BLVRA: variants seen among roughly 807,000 people sequenced by gnomAD.
BLVRA encodes the protein BVR A.
In BLVRA, 22 loss-of-function variants were observed where a neutral mutation model predicts 32.8. The observed-to-expected ratio is 0.67, with a 90% CI of 0.48 to 0.96. The LOEUF is 0.96. Among genes scored for constraint, BLVRA ranks in the 40% least tolerant of loss-of-function variants. BLVRA has a pLI of 0.00. For missense variants in BLVRA, 323 were observed against 358.1 expected (o/e 0.90, Z 0.79); for synonymous variants, 119 against 141.3 (o/e 0.84, Z 1.12).
chr7:43,798,108 T>A, intron 5 of BLVRA, among the ~76,000 whole-genome samples: 1 of 148,798 alleles, frequency 6.7e-6, no homozygotes, highest in East Asian at 2.0e-4. Flanking sequence ...GCAGGAGAAT[T>A]TCTTGAACCC....
chr7:43,784,921 C>A (rs780348560), intron 2 of BLVRA, among the ~76,000 whole-genome samples: 2 of 152,120 alleles, frequency 1.3e-5, no homozygotes, highest in Non-Finnish European at 2.9e-5. Flanking sequence ...TCACCCATAT[C>A]TTGTCCCTGT....
Position 43,792,713 on chromosome 7 carries a change from A to T in BLVRA, c.255-2A>T. The T allele has an allele frequency of 1.2e-6, 2 of 1,613,878 alleles. No homozygotes were observed. Among genetic ancestry groups the T allele is most frequent in the Non-Finnish European group, 1.7e-6 (2 of 1,179,784 alleles). On this transcript the variant is annotated splice_acceptor_variant, in intron 4 of 7. Transcript: ENST00000265523. LOFTEE classifies it high-confidence loss of function. Reference sequence around the variant, plus strand: ...TCTCTGTATTTGTCTCGTTTACCAAAGGCAGTTCCTTAATGCTGGCAAGCA... The same window carrying T: ...TCTCTGTATTTGTCTCGTTTACCAATGGCAGTTCCTTAATGCTGGCAAGCA...
At chr7:43,766,892 G>A (rs937814329) in intron 1 of BLVRA, among the ~76,000 whole-genome samples, 2 of 152,196 alleles carry the variant, frequency 1.3e-5, no homozygotes, top group African/African-American at 4.8e-5. Flanking sequence ...AGAACTTTGG[G>A]AGGCCGAGGC....
At chr7:43,800,661 C>A in intron 6 of BLVRA, 89 bp downstream of exon 6, 1 of 1,177,588 alleles carries the variant, frequency 8.5e-7, no homozygotes, top group Non-Finnish European at 1.2e-6. Flanking sequence ...AGCTTATATT[C>A]ATTTCTGCTC....
At position 43,787,909 on chromosome 7, in the gene BLVRA, G is replaced by C; in HGVS notation, c.18G>C (p.Glu6Asp). MNAEP[E>D]RKFGVVVVGV... Reference sequence around the variant, plus strand: ...CTTGGTCCCTTGTGTTTCAGCCCGAGAGGAAGTTTGGCGTGGTGGTGGTTG... The same window carrying C: ...CTTGGTCCCTTGTGTTTCAGCCCGACAGGAAGTTTGGCGTGGTGGTGGTTG... The change falls in exon 3 of 8, where the codon GAG (glutamate) becomes GAC (aspartate). Residue 6 changes from glutamate to aspartate, a missense_variant. Coordinates refer to ENST00000265523, the MANE Select transcript of BLVRA (RefSeq NM_000712.4). This position sits in a 1 kb window ranked among gnomAD's most constrained non-coding sequence, Gnocchi z 4.5. 6.2e-7 allele frequency: 1 copy of C among 1,614,154 alleles called. No individual in the cohort carries two copies. Among genetic ancestry groups the C allele is most frequent in the Non-Finnish European group, 8.5e-7 (1 of 1,180,028 alleles).
chr7:43,779,076 G>C (rs2095765505), intron 2 of BLVRA, among the ~76,000 whole-genome samples: 1 of 152,242 alleles, frequency 6.6e-6, no homozygotes, highest in South Asian at 2.1e-4. Context: ...CTTTGACTAG[G>C]AAAGGGAACT....
chr7:43,789,051 A>G (rs553269403), intron 3 of BLVRA, among the ~76,000 whole-genome samples: 2 of 152,124 alleles, frequency 1.3e-5, no homozygotes, highest in Non-Finnish European at 2.9e-5. Context: ...ACACACACAC[A>G]CACGCACCAC....
intron 2 of BLVRA, among the ~76,000 whole-genome samples, chr7:43,777,189 T>A (rs1329134342): frequency 6.6e-6 from 1 of 151,762 alleles, no homozygotes; most frequent in African/African-American, 2.4e-5. Context: ...GTCATTATGA[T>A]GTTAGCTGGT....
chr7:43,778,844 A>G (rs1184764496), intron 2 of BLVRA, among the ~76,000 whole-genome samples: 3 of 152,240 alleles, frequency 2.0e-5, no homozygotes, highest in Non-Finnish European at 2.9e-5. Context: ...TTACCTAAGC[A>G]AGCCTGGGCA....
intron 4 of BLVRA, 48 bp downstream of exon 4, chr7:43,791,416 C>T (rs762354524): frequency 6.2e-7 from 1 of 1,610,204 alleles, no homozygotes; most frequent in African/African-American, 1.3e-5. Flanking sequence ...CAGTGCAGTA[C>T]TGCAAAAATG....
intron 2 of BLVRA, among the ~76,000 whole-genome samples, chr7:43,785,367 T>C (rs1297768611): frequency 1.3e-5 from 2 of 151,138 alleles, no homozygotes; most frequent in African/African-American, 4.9e-5. Flanking sequence ...ACAAGACTAG[T>C]AACCCAAAAA....
At chr7:43,777,829 A>G (rs1043249546) in intron 2 of BLVRA, among the ~76,000 whole-genome samples, 9 of 151,980 alleles carry the variant, frequency 5.9e-5, no homozygotes, top group Non-Finnish European at 8.8e-5. Flanking sequence ...TTTCTTGGAG[A>G]CTTTGTTCAT....
chr7:43,780,870 G>C (rs1020368254), intron 2 of BLVRA, among the ~76,000 whole-genome samples: 1 of 152,186 alleles, frequency 6.6e-6, no homozygotes, highest in Admixed American at 6.5e-5. Context: ...CAGTAGGCTG[G>C]GCGCCGTGGC....
intron 5 of BLVRA, 105 bp from the exon 6 acceptor site, chr7:43,800,360 A>C (rs1172087629): frequency 9.1e-7 from 1 of 1,101,552 alleles, no homozygotes; most frequent in African/African-American, 1.5e-5. Context: ...CAGGGCAGTT[A>C]TGAGTGCTTC....
rs529828383 is a variant in BLVRA at position 43,779,117 on chromosome 7, A to G, written c.12+7947A>G. Among the ~76,000 whole-genome samples the G allele has an allele frequency of 2.0e-5, 3 of 152,370 alleles. No homozygotes were observed. In the South Asian group the frequency reaches 6.2e-4, roughly 32 times the overall value. ...ACCCCTTGCGCTTCCCGAGTGAGGC[A>G]CTGCCTCGCCCTGCTTCGGCTTGCA... On this transcript the variant is annotated intron_variant, in intron 2 of 7. Transcript: ENST00000265523.
chr7:43,788,165 A>G (rs1164245686), intron 3 of BLVRA, 140 bp downstream of exon 3: 5 of 1,484,368 alleles, frequency 3.4e-6, no homozygotes, highest in African/African-American at 1.4e-5. Context: ...TCAGCCCCAT[A>G]AGATCTCAGG....
chr7:43,800,419 G>T (rs776978011), intron 5 of BLVRA, 46 bp from the exon 6 acceptor site: 2 of 1,558,156 alleles, frequency 1.3e-6, no homozygotes, highest in Admixed American at 3.3e-5. Flanking sequence ...TGCACACCTA[G>T]ACACAACTGA....
intron 5 of BLVRA, among the ~76,000 whole-genome samples, chr7:43,798,397 CTAGT>C (rs1303483850): frequency 2.0e-5 from 3 of 151,904 alleles, no homozygotes; most frequent in Non-Finnish European, 2.9e-5. Context: ...TAGTTTATAA[CTAGT>C]TAAATATCCA....
intron 2 of BLVRA, among the ~76,000 whole-genome samples, chr7:43,775,803 T>G (rs951482384): frequency 1.3e-5 from 2 of 152,238 alleles, no homozygotes; most frequent in Admixed American, 1.3e-4. Context: ...TATTGATTAT[T>G]GCCACAATTT....
Sources: allele counts gnomAD v4.1 joint callset (sites outside exome capture counted in the v4.1 genomes callset), GRCh38; gene constraint gnomAD v4.1.1; non-coding constraint Gnocchi (gnomAD v3.1); transcripts MANE v1.5; gene names NCBI Gene and HGNC (gene_info 2026-07-23, HGNC 2026-07-21).